The following PACRG variants were observed in gnomAD, a reference collection of about 807,000 sequenced individuals.
PACRG encodes the protein parkin coregulated.
Under a neutral mutation model 29.7 loss-of-function variants are expected in PACRG, and 29 were observed. That is an observed-to-expected ratio of 0.98 (90% CI 0.73 to 1.33). The LOEUF is 1.33. Ranked by LOEUF, PACRG falls within the 40% of genes most tolerant of loss-of-function variation. The pLI is 0.00. For missense variants in PACRG, 279 were observed against 316.2 expected (o/e 0.88, Z 0.89); for synonymous variants, 116 against 118.7 (o/e 0.98, Z 0.15).
At chr6:162,924,776 A>G (rs533145716) in intron 2 of PACRG, among the ~76,000 whole-genome samples, 5 of 152,158 alleles carry the variant, frequency 3.3e-5, no homozygotes, top group South Asian at 2.1e-4. Context: ...AGAGCAAACA[A>G]ATCCAAAAGC....
intron 4 of PACRG, among the ~76,000 whole-genome samples, chr6:163,160,698 T>C (rs6934197): frequency 0.25 from 37,864 of 152,130 alleles, 5,740 homozygotes; most frequent in African/African-American, 0.42. Flanking sequence ...TTTGCCCCCA[T>C]AACTCAGTTT....
At chr6:163,036,004 G>A (rs999139480) in intron 2 of PACRG, among the ~76,000 whole-genome samples, 2 of 151,962 alleles carry the variant, frequency 1.3e-5, no homozygotes, top group Non-Finnish European at 2.9e-5. Flanking sequence ...TACTCTCATC[G>A]ATGATTTTAA....
At chr6:163,133,352 A>G (rs905641539) in intron 4 of PACRG, among the ~76,000 whole-genome samples, 1 of 152,228 alleles carries the variant, frequency 6.6e-6, no homozygotes, top group Non-Finnish European at 1.5e-5. Context: ...ATCAATAACT[A>G]CAAGTCTCTG....
chr6:163,105,223 A>G (rs1315097318), intron 4 of PACRG, among the ~76,000 whole-genome samples: 6 of 152,170 alleles, frequency 3.9e-5, no homozygotes, highest in African/African-American at 1.4e-4. Context: ...CTCTAAATAA[A>G]TAACTTCCAG....
chr6:163,192,047 C>A (rs1211904392), intron 4 of PACRG: 1 of 235,996 alleles, frequency 4.2e-6, no homozygotes, highest in Non-Finnish European at 8.5e-6. Flanking sequence ...ATGTCACAAG[C>A]TAGCTTTTAT....
In PACRG at chr6:162,904,272, G is replaced by A. The variant is rs981083237; in HGVS notation, c.291+89991G>A. Among the ~76,000 whole-genome samples the A allele has an allele frequency of 4.6e-5, 7 of 152,206 alleles. No homozygotes were observed. The East Asian group carries it at 5.8e-4, about 13-fold the overall frequency. ...TCTACATGAATGACGCAACAGCTGG[G>A]CAACATGGCGCAGCCACAGCAACAA... is the stretch of plus-strand genomic sequence containing the variant. On this transcript the variant is annotated intron_variant, in intron 2 of 4. Coordinates refer to ENST00000366888, the MANE Select transcript of PACRG (RefSeq NM_001080379.2).
At chr6:163,270,306 T>C (rs1323886656) in intron 4 of PACRG, among the ~76,000 whole-genome samples, 1 of 152,232 alleles carries the variant, frequency 6.6e-6, no homozygotes, top group Admixed American at 6.5e-5. Flanking sequence ...CTGTCTCATA[T>C]CATCACGAAA....
chr6:163,193,603 T>G (rs1166639247), intron 4 of PACRG, among the ~76,000 whole-genome samples: 1 of 152,170 alleles, frequency 6.6e-6, no homozygotes, highest in Non-Finnish European at 1.5e-5. Context: ...AAACACTAAA[T>G]GAAGACGTGA....
At chr6:163,158,067 C>T (rs1778394798) in intron 4 of PACRG, among the ~76,000 whole-genome samples, 2 of 152,182 alleles carry the variant, frequency 1.3e-5, no homozygotes, top group African/African-American at 2.4e-5. Flanking sequence ...TTTTATTCCT[C>T]ACCAGGACCA....
intron 2 of PACRG, among the ~76,000 whole-genome samples, chr6:162,905,128 T>G (rs1161398029): frequency 6.6e-6 from 1 of 151,974 alleles, no homozygotes; most frequent in Non-Finnish European, 1.5e-5. Context: ...AGCAACAAGG[T>G]GGTGGTGGCC....
At chr6:163,266,384 G>A (rs7742060) in intron 4 of PACRG, among the ~76,000 whole-genome samples, 101,550 of 151,700 alleles carry the variant, frequency 0.67, 34,128 homozygotes, top group African/African-American at 0.74. Context: ...GTCCATTTAG[G>A]ATTTTACTGG....
At chr6:163,164,456 A>G (rs1381067521) in intron 4 of PACRG, among the ~76,000 whole-genome samples, 5 of 152,088 alleles carry the variant, frequency 3.3e-5, no homozygotes, top group Non-Finnish European at 7.4e-5. Context: ...CTCAATTCCC[A>G]TCCAGCCTCT....
chr6:162,999,671 A>G (rs1804405377), intron 2 of PACRG, among the ~76,000 whole-genome samples: 1 of 152,240 alleles, frequency 6.6e-6, no homozygotes, highest in Non-Finnish European at 1.5e-5. Context: ...AAAACATTTT[A>G]ATTATAAAAA....
intron 2 of PACRG, among the ~76,000 whole-genome samples, chr6:162,916,803 A>G (rs1257002070): frequency 1.3e-5 from 2 of 151,928 alleles, no homozygotes; most frequent in African/African-American, 4.8e-5. Flanking sequence ...GCAAGATCTC[A>G]CAAGAGTCAG....
chr6:163,076,961 T>C (rs528104679), intron 3 of PACRG, among the ~76,000 whole-genome samples: 6 of 152,312 alleles, frequency 3.9e-5, no homozygotes, highest in African/African-American at 1.4e-4. Flanking sequence ...TCCTGGCTAG[T>C]ACACAAGAGA....
intron 1 of PACRG, among the ~76,000 whole-genome samples, chr6:162,773,531 G>A (rs1485744195): frequency 9.1e-4 from 98 of 107,434 alleles, no homozygotes; most frequent in Admixed American, 1.1e-3. Flanking sequence ...TTTTTGAGAC[G>A]GAGTCTCGCT....
At chr6:162,871,949 A>C (rs1256582102) in intron 2 of PACRG, among the ~76,000 whole-genome samples, 2 of 150,070 alleles carry the variant, frequency 1.3e-5, no homozygotes, top group Non-Finnish European at 3.0e-5. Flanking sequence ...AAAACAAAAC[A>C]AAAAAAAACA....
At chr6:162,779,984 G>A (rs1763035294) in intron 1 of PACRG, among the ~76,000 whole-genome samples, 1 of 152,212 alleles carries the variant, frequency 6.6e-6, no homozygotes, top group Non-Finnish European at 1.5e-5. Flanking sequence ...TTCAGAAGAT[G>A]AAGCTTAGAA....
chr6:162,863,658 G>C (rs1792055312), intron 2 of PACRG, among the ~76,000 whole-genome samples: 1 of 152,160 alleles, frequency 6.6e-6, no homozygotes, highest in Admixed American at 6.5e-5. Flanking sequence ...CGGCACAGCA[G>C]GCTACTTTCA....
Sources: gnomAD v4.1 joint callset for allele counts (sites outside exome capture counted in the v4.1 genomes callset) on GRCh38, gnomAD v4.1.1 for gene constraint, MANE v1.5 for transcripts, NCBI Gene and HGNC (gene_info 2026-07-23, HGNC 2026-07-21) for gene names.